NAV2: variants seen among roughly 807,000 people sequenced by gnomAD.
NAV2 encodes helicase, APC down-regulated 1.
NAV2 carries 54 observed loss-of-function variants against 223.2 expected under a neutral mutation model. That is an observed-to-expected ratio of 0.24 (90% CI 0.19 to 0.30). The LOEUF is 0.30. Among genes scored for constraint, NAV2 ranks in the 10% least tolerant of loss-of-function variants. The pLI is 1.00. For synonymous variants in NAV2, 1,279 were observed against 1,239.3 expected, an observed-to-expected ratio of 1.03 and a Z score of -0.67; for missense variants, 2,806 against 3,147.5, an observed-to-expected ratio of 0.89 and a Z score of 2.60.
At chr11:19,802,314 G>A (rs2058315926) in intron 1 of NAV2, among the ~76,000 whole-genome samples, 1 of 152,068 alleles carries the variant, frequency 6.6e-6, no homozygotes, top group Non-Finnish European at 1.5e-5. Flanking sequence ...GGGCTAGAGG[G>A]CTTGGCTGGC....
intron 1 of NAV2, among the ~76,000 whole-genome samples, chr11:19,776,593 TGTGTGTGTGTGTGTGG>T (rs2056191846): frequency 7.0e-6 from 1 of 142,718 alleles, no homozygotes; most frequent in Non-Finnish European, 1.5e-5. Flanking sequence ...TGTGTGTGTG[TGTGTGTGTGTGTGTGG>T]TTAGAGTTGT....
intron 6 of NAV2, among the ~76,000 whole-genome samples, chr11:19,915,777 C>A (rs1410365587): frequency 6.6e-6 from 1 of 152,224 alleles, no homozygotes; most frequent in Non-Finnish European, 1.5e-5. Context: ...CAGGTTAGCT[C>A]CTTGAGGTCA....
intron 1 of NAV2, among the ~76,000 whole-genome samples, chr11:19,368,498 C>T (rs538137257): frequency 3.3e-5 from 5 of 152,310 alleles, no homozygotes; most frequent in African/African-American, 1.2e-4. Context: ...AGCCATTTCA[C>T]TACTGTGAGC....
chr11:19,991,262 A>T (rs2051304337), intron 11 of NAV2, among the ~76,000 whole-genome samples: 2 of 152,124 alleles, frequency 1.3e-5, no homozygotes, highest in South Asian at 4.1e-4. Context: ...AGTAGCTGGG[A>T]TTACAGGTGC....
At chr11:20,097,333 T>G (rs945782545) in intron 30 of NAV2, among the ~76,000 whole-genome samples, 1 of 152,132 alleles carries the variant, frequency 6.6e-6, no homozygotes, top group Non-Finnish European at 1.5e-5. Flanking sequence ...TTCACAACCT[T>G]GTTAGGGGTT....
intron 1 of NAV2, among the ~76,000 whole-genome samples, chr11:19,406,056 A>G (rs1163831642): frequency 6.6e-6 from 1 of 152,208 alleles, no homozygotes; most frequent in African/African-American, 2.4e-5. Context: ...AATAAATACC[A>G]AAAAAGAGCT....
intron 1 of NAV2, among the ~76,000 whole-genome samples, chr11:19,613,344 G>C (rs959052876): frequency 6.6e-6 from 1 of 152,148 alleles, no homozygotes; most frequent in Admixed American, 6.5e-5. Context: ...AAAAAATCAT[G>C]TTTTTGTCTT....
At chr11:19,546,675 A>G (rs752232756) in intron 1 of NAV2, among the ~76,000 whole-genome samples, 13 of 152,212 alleles carry the variant, frequency 8.5e-5, no homozygotes, top group Non-Finnish European at 1.8e-4. Flanking sequence ...GAATGTAAGA[A>G]GAGATTTTAT....
chr11:19,671,839 C>T (rs962071074), intron 1 of NAV2, among the ~76,000 whole-genome samples: 25 of 152,206 alleles, frequency 1.6e-4, no homozygotes, highest in Admixed American at 1.4e-3. Flanking sequence ...AATTTGCCAC[C>T]TCCTGGTTTA....
At chr11:19,536,944 G>T (rs920313527) in intron 1 of NAV2, among the ~76,000 whole-genome samples, 3 of 152,166 alleles carry the variant, frequency 2.0e-5, no homozygotes, top group African/African-American at 7.2e-5. Flanking sequence ...AGACCAGCAT[G>T]GTAACTGGTT....
At chr11:19,663,671 C>T (rs2048343973) in intron 1 of NAV2, among the ~76,000 whole-genome samples, 1 of 152,190 alleles carries the variant, frequency 6.6e-6, no homozygotes, top group Admixed American at 6.5e-5. Flanking sequence ...TATCTCCTTC[C>T]TTTCAGATGA....
At position 20,053,931 on chromosome 11, in the gene NAV2, A is replaced by C; in HGVS notation, c.4482-149A>C. 4.9e-6 allele frequency: 4 copies of C among 811,432 alleles called. No individual in the cohort carries two copies. The South Asian group carries it at 5.5e-5, about 11-fold the overall frequency. The allele number at this position is 811,432 out of a possible 1,614,324, so 50.3% of individuals were successfully genotyped here. On this transcript the variant is annotated intron_variant, in intron 17 of 37. Transcript: ENST00000349880. ...TAGAAAAAAGGTTTTGAGAAACTTC[A>C]TAAGTTTCAGGACGTGTAGTGATCT...
intron 19 of NAV2, among the ~76,000 whole-genome samples, chr11:20,059,406 G>T (rs1460601736): frequency 7.2e-5 from 11 of 152,074 alleles, no homozygotes; most frequent in African/African-American, 2.4e-4. Flanking sequence ...CTGTGATGAG[G>T]GTCAGAGGCA....
chr11:20,113,728 G>A (rs2062822304), intron 36 of NAV2, among the ~76,000 whole-genome samples: 1 of 152,180 alleles, frequency 6.6e-6, no homozygotes, highest in Non-Finnish European at 1.5e-5. Flanking sequence ...GCCAGGACCA[G>A]CCCAGCACAG....
intron 10 of NAV2, among the ~76,000 whole-genome samples, chr11:19,966,384 G>A (rs1010217103): frequency 6.6e-6 from 1 of 152,144 alleles, no homozygotes; most frequent in Non-Finnish European, 1.5e-5. Context: ...TGTACATTAT[G>A]TATCCCCAGT....
intron 1 of NAV2, among the ~76,000 whole-genome samples, chr11:19,555,454 G>C (rs1565046058): frequency 6.6e-6 from 1 of 152,082 alleles, no homozygotes; most frequent in Non-Finnish European, 1.5e-5. Flanking sequence ...CCTGGGGGGG[G>C]CTCTGGGCAG....
chr11:20,039,213 C>T (rs965847548), intron 12 of NAV2, among the ~76,000 whole-genome samples: 1 of 152,210 alleles, frequency 6.6e-6, no homozygotes, highest in Non-Finnish European at 1.5e-5. Context: ...TTGTGCTCCT[C>T]ACTCTATGAC....
intron 3 of NAV2, among the ~76,000 whole-genome samples, chr11:19,843,396 G>A (rs1219947331): frequency 1.3e-5 from 2 of 152,192 alleles, no homozygotes; most frequent in Non-Finnish European, 2.9e-5. Flanking sequence ...TGTGAAATGT[G>A]CAGTCACATC....
At chr11:19,364,671 T>A (rs1400400455) in intron 1 of NAV2, among the ~76,000 whole-genome samples, 3 of 152,194 alleles carry the variant, frequency 2.0e-5, no homozygotes, top group Non-Finnish European at 4.4e-5. Flanking sequence ...AGCACAGGAC[T>A]GCAAGAGGGA....
Sources: gnomAD v4.1 joint callset for allele counts (sites outside exome capture counted in the v4.1 genomes callset) on GRCh38, gnomAD v4.1.1 for gene constraint, MANE v1.5 for transcripts, NCBI Gene and HGNC (gene_info 2026-07-23, HGNC 2026-07-21) for gene names.